The following PRKN variants were observed in gnomAD, a reference collection of about 807,000 sequenced individuals.
PRKN encodes parkin RBR E3 ubiquitin protein ligase, also known as E3 ubiquitin-protein ligase parkin.
Under a neutral mutation model 59.5 loss-of-function variants are expected in PRKN, and 56 were observed. The observed-to-expected ratio is 0.94, with a 90% CI of 0.76 to 1.18. The LOEUF is 1.18. Ranked by LOEUF, PRKN falls within the 50% of genes most tolerant of loss-of-function variation. The pLI is 0.00. For synonymous variants in PRKN, 250 were observed against 222.1 expected (o/e 1.13, Z -1.12); for missense variants, 657 against 596.4 (o/e 1.10, Z -1.06).
In PRKN at chr6:161,360,215, C is replaced by T; in HGVS notation, c.1168-10G>A. Reference sequence around the variant, plus strand: ...CATCGACTCTGTAGGCCTGGGGAAACAAAGAGGAAAGGCGTTTAATCTCAG... The same window carrying T: ...CATCGACTCTGTAGGCCTGGGGAAATAAAGAGGAAAGGCGTTTAATCTCAG... On this transcript the variant is annotated splice_polypyrimidine_tract_variant and intron_variant, in intron 10 of 11. Coordinates refer to ENST00000366898, the MANE Select transcript of PRKN (RefSeq NM_004562.3). This position sits in a 1 kb window ranked among gnomAD's most constrained non-coding sequence, Gnocchi z 5.1. 6.2e-7 allele frequency: 1 copy of T among 1,600,208 alleles called. No individual in the cohort carries two copies. The highest frequency in any genetic ancestry group is 8.6e-7 in the Non-Finnish European group (1 of 1,167,190).
At chr6:162,254,633 C>A (rs1459129841) in intron 3 of PRKN, among the ~76,000 whole-genome samples, 1 of 152,110 alleles carries the variant, frequency 6.6e-6, no homozygotes, top group African/African-American at 2.4e-5. Flanking sequence ...GCACAATGAA[C>A]ACCCACTTGC....
At chr6:162,093,406 A>G (rs960742721) in intron 4 of PRKN, among the ~76,000 whole-genome samples, 2 of 152,164 alleles carry the variant, frequency 1.3e-5, no homozygotes, top group Non-Finnish European at 2.9e-5. Context: ...TCCTGTAGTT[A>G]TTAACCAATT....
intron 3 of PRKN, among the ~76,000 whole-genome samples, chr6:162,262,096 A>T (rs186743090): frequency 2.0e-5 from 3 of 152,314 alleles, no homozygotes; most frequent in African/African-American, 7.2e-5. Context: ...AATTTTTTTA[A>T]AATAACTAAA....
chr6:162,011,470 T>TATATAATATATTATAATATATTATAAG, intron 5 of PRKN, among the ~76,000 whole-genome samples: 1 of 15,310 alleles, frequency 6.5e-5, no homozygotes, highest in African/African-American at 4.0e-4. Context: ...TATATTATAA[T>TATATAATATATTATAATATATTATAAG]ATATAATATA....
Position 161,783,172 on chromosome 6 carries a change from G to T in PRKN, c.871+2600C>A, listed in dbSNP as rs182534224. 3.9e-3 allele frequency among the ~76,000 whole-genome samples: 599 copies of T among 151,982 alleles called. 3 individuals carry two copies. Among genetic ancestry groups the T allele is most frequent in the African/African-American group, 0.014 (577 of 41,444 alleles). ...ACTCAGTAACAGAATTTTTGCCAAG[G>T]GTGAAAGAAACAACAGTTGTAATAT... On this transcript the variant is annotated intron_variant, in intron 7 of 11. Transcript: ENST00000366898.
chr6:162,206,301 T>C (rs572102514), intron 3 of PRKN, among the ~76,000 whole-genome samples: 24 of 152,242 alleles, frequency 1.6e-4, no homozygotes, highest in African/African-American at 5.8e-4. Context: ...TATCATATGA[T>C]ATTTCCCTAA....
rs1238950486 is a variant in PRKN, at chr6:162,011,439, AT to A, written c.619-38023del. ...TTATATTTTATAATATATATGTTAT[AT>A]ATTTATAATATATAATATATATATT... On this transcript the variant is annotated intron_variant, in intron 5 of 11. Coordinates refer to ENST00000366898, the MANE Select transcript of PRKN (RefSeq NM_004562.3). Among the ~76,000 whole-genome samples, 6 of 22,002 alleles carry A rather than the reference AT, an allele frequency of 2.7e-4. 1 individual carries two copies. The African/African-American group carries it at 3.7e-3, about 14-fold the overall frequency. The allele number at this position is 22,002 out of a possible 152,430, so 14.4% of individuals were successfully genotyped here.
intron 7 of PRKN, among the ~76,000 whole-genome samples, chr6:161,722,555 A>G (rs1200207632): frequency 6.6e-6 from 1 of 152,032 alleles, no homozygotes; most frequent in Non-Finnish European, 1.5e-5. Flanking sequence ...CTAACAGTCT[A>G]TTTTCTGGTC....
chr6:162,038,688 AAT>A (rs1395577379), intron 5 of PRKN, among the ~76,000 whole-genome samples: 1 of 152,216 alleles, frequency 6.6e-6, no homozygotes, highest in East Asian at 1.9e-4. Flanking sequence ...ATCATTTGTA[AAT>A]ATGTCACTGA....
chr6:161,481,258 T>C (rs1791382505), intron 9 of PRKN, among the ~76,000 whole-genome samples: 1 of 152,142 alleles, frequency 6.6e-6, no homozygotes, highest in East Asian at 1.9e-4. Flanking sequence ...CCACCCAACA[T>C]ATCCTACCTC....
intron 6 of PRKN, among the ~76,000 whole-genome samples, chr6:161,834,088 G>A (rs139296093): frequency 4.0e-4 from 61 of 152,070 alleles, no homozygotes; most frequent in African/African-American, 1.3e-3. Flanking sequence ...AAGAGCAGCC[G>A]CTGGGATTCA....
At chr6:162,222,904 GGTTA>G (rs1202437843) in intron 3 of PRKN, among the ~76,000 whole-genome samples, 10 of 151,746 alleles carry the variant, frequency 6.6e-5, no homozygotes, top group East Asian at 1.9e-4. Flanking sequence ...ACAATGTGCA[GGTTA>G]GTTACATATG....
At chr6:161,613,795 A>G (rs1436642425) in intron 7 of PRKN, among the ~76,000 whole-genome samples, 1 of 152,204 alleles carries the variant, frequency 6.6e-6, no homozygotes, top group Non-Finnish European at 1.5e-5. Flanking sequence ...TTCTACTGCC[A>G]TTATAATAAA....
intron 3 of PRKN, among the ~76,000 whole-genome samples, chr6:162,207,990 T>A (rs1254591591): frequency 1.3e-5 from 2 of 152,164 alleles, no homozygotes; most frequent in Non-Finnish European, 2.9e-5. Flanking sequence ...ACCCTTTAAA[T>A]TGTTGGGATA....
At chr6:161,787,277 T>C (rs1790458016) in intron 6 of PRKN, among the ~76,000 whole-genome samples, 1 of 152,164 alleles carries the variant, frequency 6.6e-6, no homozygotes, top group Admixed American at 6.5e-5. Context: ...GAAAATACAA[T>C]TCCTTGGTAT....
At chr6:161,884,116 G>T (rs1424272364) in intron 6 of PRKN, among the ~76,000 whole-genome samples, 1 of 152,108 alleles carries the variant, frequency 6.6e-6, no homozygotes, top group Non-Finnish European at 1.5e-5. Context: ...GTTATTTCTG[G>T]TTGTACAGCC....
intron 7 of PRKN, among the ~76,000 whole-genome samples, chr6:161,661,420 T>C (rs1206031930): frequency 6.6e-6 from 1 of 152,128 alleles, no homozygotes; most frequent in African/African-American, 2.4e-5. Flanking sequence ...CAGATATCTG[T>C]GTGGCTGCCC....
At chr6:161,861,452 C>A (rs181836586) in intron 6 of PRKN, among the ~76,000 whole-genome samples, 1 of 152,190 alleles carries the variant, frequency 6.6e-6, no homozygotes, top group African/African-American at 2.4e-5. Context: ...GCAGGGAGAG[C>A]ATTAGAACAA....
chr6:161,664,031 C>T (rs761025561), intron 7 of PRKN, among the ~76,000 whole-genome samples: 3 of 152,170 alleles, frequency 2.0e-5, no homozygotes, highest in Non-Finnish European at 4.4e-5. Context: ...TGATCTTGCC[C>T]CTAAACCCCT....
Sources: allele counts gnomAD v4.1 joint callset (sites outside exome capture counted in the v4.1 genomes callset), GRCh38; gene constraint gnomAD v4.1.1; non-coding constraint Gnocchi (gnomAD v3.1); transcripts MANE v1.5; gene names NCBI Gene and HGNC (gene_info 2026-07-23, HGNC 2026-07-21).